GPAT3: variants seen among roughly 807,000 people sequenced by gnomAD.
GPAT3 encodes the protein glycerol-3-phosphate acyltransferase 3, also known as 1-AGP acyltransferase 9.
GPAT3 carries 53 observed loss-of-function variants against 58.8 expected under a neutral mutation model. The ratio of observed to expected loss-of-function variants is 0.90; its 90% confidence interval spans 0.72 to 1.13. GPAT3 has a LOEUF of 1.13. GPAT3 is among the 50% of genes most tolerant of loss of function. The probability of loss-of-function intolerance (pLI) is 0.00; values close to 1 mark genes in which losing one functional copy is unlikely to be tolerated. For missense variants in GPAT3, 511 were observed against 527.6 expected (o/e 0.97, Z 0.31); for synonymous variants, 197 against 187.4 (o/e 1.05, Z -0.42).
At chr4:83,551,433 A>G (rs911373990) in intron 2 of GPAT3, among the ~76,000 whole-genome samples, 11 of 152,254 alleles carry the variant, frequency 7.2e-5, no homozygotes, top group South Asian at 6.2e-4. Context: ...GGGACAGGTT[A>G]TCTTCAGGAG....
At chr4:83,553,167 T>G (rs546709854) in intron 2 of GPAT3, among the ~76,000 whole-genome samples, 1 of 152,168 alleles carries the variant, frequency 6.6e-6, no homozygotes, top group Non-Finnish European at 1.5e-5. Flanking sequence ...CACTGATGAA[T>G]GAGCAGGATG....
chr4:83,544,455 C>T (rs954355539), intron 1 of GPAT3, 81 bp from the exon 2 acceptor site: 9 of 1,397,998 alleles, frequency 6.4e-6, no homozygotes, highest in Non-Finnish European at 9.1e-6. Flanking sequence ...TGTGTAATTT[C>T]ACTTCTGTAT....
chr4:83,588,379 G>A, intron 5 of GPAT3, 80 bp downstream of exon 5: 1 of 1,350,226 alleles, frequency 7.4e-7, no homozygotes, highest in Non-Finnish European at 1.1e-6. Flanking sequence ...GGAAGTGGTT[G>A]GGAAGAAGTG....
At chr4:83,547,213 AT>A (rs1447496592) in intron 2 of GPAT3, among the ~76,000 whole-genome samples, 1 of 104,106 alleles carries the variant, frequency 9.6e-6, no homozygotes, top group Non-Finnish European at 2.1e-5. Context: ...AGTTATGCTT[AT>A]TTTCTGCACT....
intron 2 of GPAT3, among the ~76,000 whole-genome samples, chr4:83,576,390 T>C (rs1725813728): frequency 6.6e-6 from 1 of 151,858 alleles, no homozygotes; most frequent in Admixed American, 6.6e-5. Context: ...TGTGGAAGGA[T>C]TGAAGGAGTG....
chr4:83,574,238 A>G (rs1017315306), intron 2 of GPAT3, among the ~76,000 whole-genome samples: 1 of 152,192 alleles, frequency 6.6e-6, no homozygotes, highest in Non-Finnish European at 1.5e-5. Flanking sequence ...TTTGGTCTGC[A>G]GTAGACCCTG....
At position 83,581,963 on chromosome 4, in the gene GPAT3, A is replaced by G. The variant is rs1726153304; in HGVS notation, c.479+131A>G. On this transcript the variant is annotated intron_variant, in intron 3 of 11. Transcript: ENST00000264409. ...TCCCACGTAGGAAATGCCACCAAAC[A>G]TGACCTCTAAAGGAATGTATTACGT... 11 of 1,249,992 alleles carry G rather than the reference A, an allele frequency of 8.8e-6. No homozygotes were observed. The Admixed American group carries it at 9.2e-5, about 10-fold the overall frequency. 77.4% of individuals were successfully genotyped at this position (1,249,992 alleles called of 1,614,324 possible).
chr4:83,584,925 C>A (rs1726322354), intron 3 of GPAT3, among the ~76,000 whole-genome samples: 1 of 152,218 alleles, frequency 6.6e-6, no homozygotes, highest in South Asian at 2.1e-4. Context: ...CATTGCCTCA[C>A]TTAAACTGGG....
At chr4:83,555,739 AAGGC>A (rs2110078833) in intron 2 of GPAT3, among the ~76,000 whole-genome samples, 1 of 152,326 alleles carries the variant, frequency 6.6e-6, no homozygotes, top group South Asian at 2.1e-4. Flanking sequence ...AGAAGTACCA[AAGGC>A]TTGGACTTGC....
rs1466053447 is a variant in GPAT3, at chr4:83,588,243, G to C, written c.588G>C (p.Leu196=). Residue 196 remains leucine (L), a synonymous_variant, in exon 5 of 12, where the codon CTG becomes CTC. Coordinates refer to ENST00000264409, the MANE Select transcript of GPAT3 (RefSeq NM_032717.5). ...ACTGGCTGAGTGAACTGGTCCATCT[G>C]ACTTGCTGCCGGATCTGTGTGCGAG... is the stretch of plus-strand genomic sequence containing the variant. The part of the protein sequence containing the change: ...LKNWLSELVH[L]TCCRICVRAL... 1 of 1,613,962 alleles carries C rather than the reference G, an allele frequency of 6.2e-7. No individual in the cohort carries two copies. Among genetic ancestry groups the C allele is most frequent in the South Asian group, 1.1e-5 (1 of 91,066 alleles).
intron 2 of GPAT3, among the ~76,000 whole-genome samples, chr4:83,565,800 C>T (rs897567184): frequency 6.6e-6 from 1 of 152,204 alleles, no homozygotes; most frequent in African/African-American, 2.4e-5. Context: ...CTTGCTCATG[C>T]CCCGAGCTCT....
At chr4:83,603,790 C>CAAAAAAAAAAAAA (rs58399873) in intron 11 of GPAT3, among the ~76,000 whole-genome samples, 1 of 120,664 alleles carries the variant, frequency 8.3e-6, no homozygotes, top group Non-Finnish European at 1.7e-5. Flanking sequence ...AACTCTGTCT[C>CAAAAAAAAAAAAA]AAAAAAAAAA....
At chr4:83,588,140 T>TA in intron 4 of GPAT3, 70 bp from the exon 5 acceptor site, 1 of 1,395,654 alleles carries the variant, frequency 7.2e-7, no homozygotes, top group Non-Finnish European at 1.0e-6. Context: ...AAAAGCACAT[T>TA]AAAACCTTTA....
intron 2 of GPAT3, among the ~76,000 whole-genome samples, chr4:83,562,334 A>G (rs1261933923): frequency 6.7e-6 from 1 of 149,926 alleles, no homozygotes; most frequent in African/African-American, 2.5e-5. Context: ...TTTACGTCAA[A>G]TCCTAAAAGG....
In GPAT3 at chr4:83,598,814, G is replaced by T. The variant is rs540920532; in HGVS notation, c.1205+91G>T. 56 of 861,220 alleles carry T rather than the reference G, an allele frequency of 6.5e-5. No homozygotes were observed. In the African/African-American group the frequency reaches 1.0e-3, roughly 16 times the overall value. 53.3% of individuals were successfully genotyped at this position (861,220 alleles called of 1,614,324 possible). A position where few individuals can be genotyped will look rare whatever the true frequency, so the allele number is the denominator to read the frequency against. ...GAGAATGCCTCACTCTTTTACCCAG[G>T]CTGGAGTGCAGTAGCATGATCATAG... On this transcript the variant is annotated intron_variant, in intron 11 of 11. Transcript: ENST00000264409.
intron 2 of GPAT3, among the ~76,000 whole-genome samples, chr4:83,577,788 CTTTTTTTTT>C (rs1185047521): frequency 3.0e-5 from 2 of 66,690 alleles, no homozygotes; most frequent in African/African-American, 5.5e-5. Flanking sequence ...GTCATTGTGG[CTTTTTTTTT>C]TTTTTTTTTT....
intron 2 of GPAT3, among the ~76,000 whole-genome samples, chr4:83,579,064 TTCTTTCTTTCTTTCTTC>T (rs1560621249): frequency 0.012 from 532 of 42,708 alleles, 23 homozygotes; most frequent in Non-Finnish European, 0.016. Context: ...CTTTCTTTCT[TTCTTTCTTTCTTTCTTC>T]CCTTCCTTCC....
intron 7 of GPAT3, among the ~76,000 whole-genome samples, chr4:83,596,273 G>C (rs530335395): frequency 1.1e-4 from 16 of 152,270 alleles, no homozygotes; most frequent in Admixed American, 9.8e-4. Flanking sequence ...CATGACTCTA[G>C]AGTCAAATGA....
Position 83,605,642 on chromosome 4 carries a change from C to T in GPAT3, c.*875C>T, listed in dbSNP as rs1025518967. 6.6e-6 allele frequency: 1 copy of T among 152,336 alleles called. No individual in the cohort carries two copies. The highest frequency in any genetic ancestry group is 6.6e-5 in the Admixed American group (1 of 15,254). 9.4% of individuals were successfully genotyped at this position (152,336 alleles called of 1,614,324 possible). A position where few individuals can be genotyped will look rare whatever the true frequency, so the allele number is the denominator to read the frequency against. ...TCCACCCCTTTGTGCTTTTTATTCC[C>T]GAATTTTCCCAGTCTCTTAAACAGA... On this transcript the variant is annotated 3_prime_UTR_variant, in exon 12 of 12. Coordinates refer to ENST00000264409, the MANE Select transcript of GPAT3 (RefSeq NM_032717.5).
Sources: gnomAD v4.1 joint callset for allele counts (sites outside exome capture counted in the v4.1 genomes callset) on GRCh38, gnomAD v4.1.1 for gene constraint, MANE v1.5 for transcripts, NCBI Gene and HGNC (gene_info 2026-07-23, HGNC 2026-07-21) for gene names.